Variants in SCN1A observed in about 807,000 individuals in gnomAD.
SCN1A encodes sodium voltage-gated channel alpha subunit 1, also known as sodium channel protein type 1 subunit alpha.
Under a neutral mutation model 193.7 loss-of-function variants are expected in SCN1A, and 13 were observed. The observed-to-expected ratio is 0.07, with a 90% confidence interval of 0.04 to 0.11. The LOEUF (loss-of-function observed/expected upper bound fraction) is 0.11. SCN1A is among the 10% of genes least tolerant of loss of function. The pLI, the probability that SCN1A is intolerant of heterozygous loss-of-function variation, is 1.00. For synonymous variants in SCN1A, 781 were observed against 843.6 expected (o/e 0.93, Z 1.29); for missense variants, 1,432 against 2,451.1 (o/e 0.58, Z 8.78).
chr2:166,036,187 A>G lies in SCN1A; in HGVS notation c.3290T>C (p.Ile1097Thr). The G allele has an allele frequency of 2.5e-6, 4 of 1,614,022 alleles. No homozygotes were observed. The highest frequency in any genetic ancestry group is 3.4e-6 in the Non-Finnish European group (4 of 1,179,942). ...GTGSSVEKYI[I>T]DESDYMSFIN... ...GAATGACATGTAATCACTTTCATCA[A>G]TAATGTATTTTTCAACACTGCTGCC... The change falls in exon 19 of 29, where the codon ATT (isoleucine) becomes ACT (threonine). Residue 1097 changes from isoleucine (I) to threonine (T), a missense_variant. Transcript: ENST00000674923.
chr2:166,021,441 C>A (rs1359128439), intron 19 of SCN1A, among the ~76,000 whole-genome samples: 1 of 151,910 alleles, frequency 6.6e-6, no homozygotes, highest in Admixed American at 6.6e-5. Flanking sequence ...ACATGGGGAA[C>A]AACAAGAGTT....
intron 7 of SCN1A, 73 bp downstream of exon 7, chr2:166,054,565 T>G: frequency 6.7e-7 from 1 of 1,486,958 alleles, no homozygotes. Flanking sequence ...AAAGCAAACC[T>G]ATTCTTAAAA....
chr2:166,004,535 C>A (rs1274423495), intron 23 of SCN1A, among the ~76,000 whole-genome samples: 2 of 151,444 alleles, frequency 1.3e-5, no homozygotes, highest in Non-Finnish European at 3.0e-5. Flanking sequence ...TGTCTCCTAA[C>A]CTTCTCCTTC....
chr2:166,043,425 G>A (rs116194415), intron 14 of SCN1A, among the ~76,000 whole-genome samples: 356 of 152,314 alleles, frequency 2.3e-3, no homozygotes, highest in African/African-American at 8.3e-3. Context: ...TCCAACTGGA[G>A]GCAGTAATTA....
rs115544265 is a variant in SCN1A at position 166,046,532 on chromosome 2, C to T, written c.1377+238G>A. ...AAAATACCCCAAAATAACATTTTCC[C>T]TTTACTTTGAGAATCTTAAGATGAT... On this transcript the variant is annotated intron_variant, in intron 12 of 28. Coordinates refer to ENST00000674923, the MANE Select transcript of SCN1A (RefSeq NM_001165963.4). 5.7e-3 allele frequency among the ~76,000 whole-genome samples: 870 copies of T among 152,230 alleles called. 9 individuals are homozygous for T. Among genetic ancestry groups the T allele is most frequent in the African/African-American group, 0.02 (838 of 41,540 alleles).
At position 166,015,692 on chromosome 2, in the gene SCN1A, G is replaced by A; in HGVS notation, c.3465C>T (p.Ser1155=). The A allele has an allele frequency of 6.2e-7, 1 of 1,612,826 alleles. No homozygotes were observed. The highest frequency in any genetic ancestry group is 8.5e-7 in the Non-Finnish European group (1 of 1,179,006). The stretch of plus-strand genomic sequence containing the variant: ...CTACAGGTGCGCCGATGTCCACAGT[G>A]CTACCTTCTGATGAGCTACTGCTTT... ...LNESSSSSEG[S]TVDIGAPVEE... Residue 1155 remains serine (S), a synonymous_variant, in exon 20 of 29, where the codon AGC becomes AGT. Transcript: ENST00000674923.
chr2:166,015,789 A>G, intron 19 of SCN1A, 62 bp from the exon 20 acceptor site: 8 of 1,578,280 alleles, frequency 5.1e-6, no homozygotes, highest in Non-Finnish European at 7.0e-6. Flanking sequence ...TTGCCTGCCA[A>G]GAAAGGATTA....
intron 4 of SCN1A, among the ~76,000 whole-genome samples, chr2:166,066,354 A>C (rs1403930335): frequency 6.6e-6 from 1 of 152,114 alleles, no homozygotes; most frequent in African/African-American, 2.4e-5. Flanking sequence ...GCTTGATTAC[A>C]AGCTTGCTGT....
rs758054456 is a variant in SCN1A, at chr2:165,989,111, C to CTCCATA, written c.*2128_*2133dup. The CTCCATA allele has an allele frequency of 1.2e-4, 18 of 151,900 alleles. No homozygotes were observed. Among genetic ancestry groups the CTCCATA allele is most frequent in the Non-Finnish European group, 2.2e-4 (15 of 67,972 alleles). The allele number at this position is 151,900 out of a possible 1,614,324, so 9.4% of individuals were successfully genotyped here. A position where few individuals can be genotyped will look rare whatever the true frequency, so the allele number is the denominator to read the frequency against. On this transcript the variant is annotated 3_prime_UTR_variant, in exon 29 of 29. Transcript: ENST00000674923. ...TCCCCCAATTTGTAATGTAAAAAAT[C>CTCCATA]TCCATATCATTAGAATATTCTGTTA...
chr2:166,117,182 A>C (rs950133826), intron 2 of SCN1A, among the ~76,000 whole-genome samples: 2 of 152,186 alleles, frequency 1.3e-5, no homozygotes, highest in African/African-American at 4.8e-5. Flanking sequence ...TTTGTCTCTC[A>C]GTCATTTTTT....
intron 2 of SCN1A, among the ~76,000 whole-genome samples, chr2:166,125,422 T>G (rs1691126726): frequency 6.6e-6 from 1 of 152,182 alleles, no homozygotes; most frequent in South Asian, 2.1e-4. Flanking sequence ...TTTGGAGGGA[T>G]GCTTTTGTGT....
intron 2 of SCN1A, among the ~76,000 whole-genome samples, chr2:166,110,086 C>T (rs958559370): frequency 1.3e-5 from 2 of 152,076 alleles, no homozygotes; most frequent in Non-Finnish European, 2.9e-5. Context: ...CATTTACTCT[C>T]ATGTGATTAT....
rs569502437 is a variant in SCN1A, at chr2:166,106,174, G to A, written c.-142+20750C>T. On this transcript the variant is annotated intron_variant, in intron 2 of 28. Transcript: ENST00000674923. ...TGTGCTCCAGCCTGGGCGATAGAGC[G>A]AGACTCCGTCTCAAAACAAAAACAA... is the stretch of plus-strand genomic sequence containing the variant. Among the ~76,000 whole-genome samples the A allele has an allele frequency of 7.2e-5, 11 of 152,306 alleles. No homozygotes were observed. In the East Asian group the frequency reaches 1.2e-3, roughly 16 times the overall value.
intron 2 of SCN1A, among the ~76,000 whole-genome samples, chr2:166,093,819 G>A (rs1175097939): frequency 6.6e-6 from 1 of 152,196 alleles, no homozygotes; most frequent in African/African-American, 2.4e-5. Flanking sequence ...AATAGCACAA[G>A]TTAATAAAGT....
intron 23 of SCN1A, 78 bp from the exon 24 acceptor site, chr2:166,002,831 T>C: frequency 8.4e-7 from 1 of 1,192,870 alleles, no homozygotes. Context: ...TAGTAATCTC[T>C]GGTCTTTCCA....
At chr2:166,097,353 A>G (rs1687505115) in intron 2 of SCN1A, among the ~76,000 whole-genome samples, 1 of 151,964 alleles carries the variant, frequency 6.6e-6, no homozygotes, top group Non-Finnish European at 1.5e-5. Context: ...AACTTTTTTC[A>G]CCTTCCTTCC....
intron 19 of SCN1A, among the ~76,000 whole-genome samples, chr2:166,034,253 A>C (rs1696041230): frequency 6.6e-6 from 1 of 152,176 alleles, no homozygotes; most frequent in South Asian, 2.1e-4. Context: ...TGCTAGGGTC[A>C]GGGCAGCTGC....
At chr2:166,095,480 C>T (rs1044016248) in intron 2 of SCN1A, among the ~76,000 whole-genome samples, 3 of 152,052 alleles carry the variant, frequency 2.0e-5, no homozygotes, top group Admixed American at 6.5e-5. Context: ...GACATTTTAA[C>T]AAAGGGGGAT....
chr2:166,090,779 T>C (rs945806886), intron 2 of SCN1A, among the ~76,000 whole-genome samples: 1 of 152,252 alleles, frequency 6.6e-6, no homozygotes, highest in Non-Finnish European at 1.5e-5. Context: ...TTAAAACTTA[T>C]ACTAGAAGCA....
Sources: gnomAD v4.1 joint callset for allele counts (sites outside exome capture counted in the v4.1 genomes callset) on GRCh38, gnomAD v4.1.1 for gene constraint, MANE v1.5 for transcripts, NCBI Gene and HGNC (gene_info 2026-07-23, HGNC 2026-07-21) for gene names.